The following DYM variants were observed in gnomAD, a reference collection of about 807,000 sequenced individuals.
The protein encoded by DYM is dyggve-Melchior-Clausen syndrome protein.
Under a neutral mutation model 93.1 loss-of-function variants are expected in DYM, and 78 were observed. The observed-to-expected ratio is 0.84, with a 90% CI of 0.70 to 1.01. The LOEUF (loss-of-function observed/expected upper bound fraction) is 1.01, where lower values mean the gene tolerates loss of function less well. DYM is among the 50% of genes least tolerant of loss of function. The pLI, the probability that DYM is intolerant of heterozygous loss-of-function variation, is 0.00. For synonymous variants in DYM, 321 were observed against 319.7 expected, an observed-to-expected ratio of 1.00 and a Z score of -0.04; for missense variants, 789 against 845.0, an observed-to-expected ratio of 0.93 and a Z score of 0.82.
At chr18:49,120,104 A>T (rs1204409819) in intron 15 of DYM, among the ~76,000 whole-genome samples, 3 of 151,248 alleles carry the variant, frequency 2.0e-5, no homozygotes, top group African/African-American at 7.3e-5. Context: ...AAGAAAAAAA[A>T]GAAAAGAAAA....
At chr18:49,170,166 T>C (rs1415196906) in intron 14 of DYM, among the ~76,000 whole-genome samples, 4 of 152,180 alleles carry the variant, frequency 2.6e-5, no homozygotes, top group Non-Finnish European at 1.5e-5. Context: ...CCTACCATTA[T>C]CCATTCTCCC....
intron 1 of DYM, among the ~76,000 whole-genome samples, chr18:49,458,817 T>A (rs28447549): frequency 6.6e-6 from 1 of 152,038 alleles, no homozygotes; most frequent in African/African-American, 2.4e-5. Flanking sequence ...CCAGCCTGAA[T>A]GACAGAGCGA....
chr18:49,360,459 T>C (rs1195321276), intron 6 of DYM, among the ~76,000 whole-genome samples: 1 of 151,816 alleles, frequency 6.6e-6, no homozygotes, highest in African/African-American at 2.4e-5. Context: ...CTATCTCTAC[T>C]AAAAATACAA....
intron 8 of DYM, among the ~76,000 whole-genome samples, chr18:49,289,772 T>TACATAC (rs2059974795): frequency 8.2e-4 from 30 of 36,634 alleles, no homozygotes; most frequent in African/African-American, 3.5e-3. Context: ...TATATATATA[T>TACATAC]ACACATATAT....
rs117823116 is a variant in DYM, at chr18:49,232,914, C to A, written c.1461-23199G>T. Among the ~76,000 whole-genome samples the A allele has an allele frequency of 2.0e-5, 3 of 152,030 alleles. No homozygotes were observed. In the East Asian group the frequency reaches 5.8e-4, roughly 29 times the overall value. ...AGTGACCACCATGCCCAGCCTGAAACGGAATTTCTTATACTTAAAGTGTAC... is the reference window on the plus strand; with the variant it reads ...AGTGACCACCATGCCCAGCCTGAAAAGGAATTTCTTATACTTAAAGTGTAC... On this transcript the variant is annotated intron_variant, in intron 13 of 17. Transcript: ENST00000675505.
intron 17 of DYM, among the ~76,000 whole-genome samples, chr18:49,077,622 C>T (rs893119289): frequency 2.0e-5 from 3 of 152,198 alleles, no homozygotes; most frequent in Non-Finnish European, 2.9e-5. Flanking sequence ...TGTCTGTCAG[C>T]TTTTTGTTTC....
At position 49,441,299 on chromosome 18, in the gene DYM, TTA is replaced by T. The variant is rs1292649757; in HGVS notation, c.-53-10854_-53-10853del. 2.4e-4 allele frequency among the ~76,000 whole-genome samples: 10 copies of T among 40,898 alleles called. No homozygotes were observed. The South Asian group carries it at 3.3e-3, about 14-fold the overall frequency. The allele number at this position is 40,898 out of a possible 152,430, so 26.8% of individuals were successfully genotyped here. On this transcript the variant is annotated intron_variant, in intron 1 of 17. Transcript: ENST00000675505. ...TATTATATAATTATATATAATATAA[TTA>T]TATATAATTAATATATAATTATATA...
intron 17 of DYM, among the ~76,000 whole-genome samples, chr18:49,059,514 G>A (rs1199837179): frequency 6.6e-6 from 1 of 152,152 alleles, no homozygotes; most frequent in African/African-American, 2.4e-5. Context: ...CCTGGTTGAT[G>A]GGTCTGCATC....
chr18:49,393,107 A>G lies in DYM; in HGVS notation c.141-1462T>C, dbSNP rs55802827. Among the ~76,000 whole-genome samples the G allele has an allele frequency of 3.1e-3, 24 of 7,782 alleles. 2 individuals carry two copies. The highest frequency in any genetic ancestry group is 0.025 in the South Asian group (3 of 118). The allele number at this position is 7,782 out of a possible 152,430, so 5.1% of individuals were successfully genotyped here. On this transcript the variant is annotated intron_variant, in intron 2 of 17. Coordinates refer to ENST00000675505, the MANE Select transcript of DYM (RefSeq NM_001353214.3). ...AGGGAGGGAGGGAAGGAAGGAAGGA[A>G]GGAAGGAAGGAAGGAAGGAAGGAAG...
At position 49,369,137 on chromosome 18, in the gene DYM, T is replaced by C. The variant is rs369830360; in HGVS notation, c.422-5904A>G. On this transcript the variant is annotated intron_variant, in intron 5 of 17. Coordinates refer to ENST00000675505, the MANE Select transcript of DYM (RefSeq NM_001353214.3). ...TTTTGGTTCATTTTCTCTATAAGAG[T>C]ATCCACTAATCTGGCAGGAAAGGGA... Among the ~76,000 whole-genome samples the C allele has an allele frequency of 1.2e-4, 19 of 152,266 alleles. No individual in the cohort carries two copies. In the South Asian group the frequency reaches 3.9e-3, roughly 32 times the overall value.
At chr18:49,439,815 A>C (rs904957393) in intron 1 of DYM, among the ~76,000 whole-genome samples, 1 of 152,110 alleles carries the variant, frequency 6.6e-6, no homozygotes, top group East Asian at 1.9e-4. Flanking sequence ...CAGCCTTGAC[A>C]ACAAAGCAAA....
chr18:49,226,482 G>C (rs1406026355), intron 13 of DYM, among the ~76,000 whole-genome samples: 1 of 152,138 alleles, frequency 6.6e-6, no homozygotes, highest in Non-Finnish European at 1.5e-5. Flanking sequence ...TTGCTATATG[G>C]CTTGAAGTTG....
intron 2 of DYM, among the ~76,000 whole-genome samples, chr18:49,402,944 G>C (rs1205546073): frequency 2.0e-5 from 3 of 152,110 alleles, no homozygotes; most frequent in African/African-American, 7.2e-5. Context: ...TACTTAATTT[G>C]AGAATCGCAG....
At chr18:49,430,971 T>C (rs1205932303) in intron 1 of DYM, among the ~76,000 whole-genome samples, 3 of 152,030 alleles carry the variant, frequency 2.0e-5, no homozygotes, top group African/African-American at 7.2e-5. Flanking sequence ...ACTTGTACCA[T>C]GTATCTTAGG....
intron 15 of DYM, among the ~76,000 whole-genome samples, chr18:49,160,811 A>C (rs2087013005): frequency 6.6e-6 from 1 of 152,214 alleles, no homozygotes; most frequent in Admixed American, 6.5e-5. Context: ...CAAATGTGTA[A>C]ATCACTTATA....
chr18:49,311,350 T>C (rs989566738), intron 8 of DYM, among the ~76,000 whole-genome samples: 18 of 152,324 alleles, frequency 1.2e-4, no homozygotes, highest in Middle Eastern at 3.4e-3. Flanking sequence ...AAGTTTTAGC[T>C]GTTTTAGAAA....
chr18:49,425,611 T>C (rs1207951685), intron 2 of DYM, among the ~76,000 whole-genome samples: 1 of 152,100 alleles, frequency 6.6e-6, no homozygotes, highest in East Asian at 1.9e-4. Context: ...ACAGGCAACC[T>C]ACAGAATGGG....
chr18:49,352,738 G>A (rs2065218846), intron 6 of DYM, among the ~76,000 whole-genome samples: 1 of 152,104 alleles, frequency 6.6e-6, no homozygotes. Context: ...ATACTGGAGT[G>A]GATTTTTGTA....
At chr18:49,363,056 C>T in intron 6 of DYM, 105 bp downstream of exon 6, 2 of 848,560 alleles carry the variant, frequency 2.4e-6, no homozygotes, top group Non-Finnish European at 4.0e-6. Flanking sequence ...TTAAAAGGCA[C>T]ACATATAAGT....
Sources: allele counts gnomAD v4.1 joint callset (sites outside exome capture counted in the v4.1 genomes callset), GRCh38; gene constraint gnomAD v4.1.1; transcripts MANE v1.5; gene names NCBI Gene and HGNC (gene_info 2026-07-23, HGNC 2026-07-21).